Variants in LYZL1 observed in about 807,000 individuals in gnomAD.
LYZL1 encodes the protein lysozyme-like protein 1.
In LYZL1, 16 loss-of-function variants were observed where a neutral mutation model predicts 17.9. The observed-to-expected ratio is 0.90, with a 90% CI of 0.61 to 1.36. The LOEUF (loss-of-function observed/expected upper bound fraction) is 1.36. LYZL1 is among the 40% of genes most tolerant of loss of function. LYZL1 has a pLI of 0.00. For missense variants in LYZL1, 149 were observed against 188.4 expected, an observed-to-expected ratio of 0.79 and a Z score of 1.22; for synonymous variants, 58 against 71.8, an observed-to-expected ratio of 0.81 and a Z score of 0.97.
At chr10:29,309,232 G>C (rs567429067) in intron 3 of LYZL1, among the ~76,000 whole-genome samples, 105 of 151,744 alleles carry the variant, frequency 6.9e-4, no homozygotes, top group Non-Finnish European at 1.1e-3. Context: ...GGGAGGCTGC[G>C]GCAGGAGAAT....
chr10:29,317,106 T>A (rs929719461), intron 3 of LYZL1, among the ~76,000 whole-genome samples: 10 of 152,146 alleles, frequency 6.6e-5, no homozygotes, highest in Non-Finnish European at 1.5e-4. Flanking sequence ...CGACACAAGA[T>A]TTTCCCCACA....
At chr10:29,309,144 C>A (rs1320141937) in intron 3 of LYZL1, among the ~76,000 whole-genome samples, 5 of 152,090 alleles carry the variant, frequency 3.3e-5, no homozygotes, top group Non-Finnish European at 7.4e-5. Flanking sequence ...GCCTGGCCAA[C>A]ATGGTGAAAC....
chr10:29,315,484 C>T (rs780968231), downstream of LYZL1, among the ~76,000 whole-genome samples: 4 of 151,972 alleles, frequency 2.6e-5, no homozygotes, highest in Non-Finnish European at 4.4e-5. Flanking sequence ...GCACTCCAGC[C>T]TGGGCAGCAG....
intron 3 of LYZL1, among the ~76,000 whole-genome samples, chr10:29,303,150 C>T (rs1317067645): frequency 6.6e-6 from 1 of 152,238 alleles, no homozygotes; most frequent in Admixed American, 6.5e-5. Context: ...CCAGTTTAGC[C>T]TTCAGTCAAA....
chr10:29,306,859 A>C (rs1443567287), intron 3 of LYZL1, among the ~76,000 whole-genome samples: 1 of 151,244 alleles, frequency 6.6e-6, no homozygotes, highest in African/African-American at 2.4e-5. Context: ...AGAGAGAGAG[A>C]GAGAGAGAAG....
chr10:29,309,335 A>G (rs1292606255), intron 3 of LYZL1, among the ~76,000 whole-genome samples: 3 of 151,756 alleles, frequency 2.0e-5, no homozygotes, highest in Non-Finnish European at 4.4e-5. Flanking sequence ...TCTCACAAAA[A>G]CAAAAACAAA....
chr10:29,310,700 A>G (rs1314230872), intron 4 of LYZL1, among the ~76,000 whole-genome samples: 3 of 152,194 alleles, frequency 2.0e-5, no homozygotes, highest in South Asian at 2.1e-4. Flanking sequence ...GAACGTTGCC[A>G]GCCGGCCCCA....
At chr10:29,306,638 T>C (rs1835597550) in intron 3 of LYZL1, among the ~76,000 whole-genome samples, 1 of 151,816 alleles carries the variant, frequency 6.6e-6, no homozygotes, top group Non-Finnish European at 1.5e-5. Context: ...TTCATAGTTT[T>C]TTGAATTTTT....
At chr10:29,294,502 T>C (rs10733993) in intron 3 of LYZL1, among the ~76,000 whole-genome samples, 114,489 of 152,122 alleles carry the variant, frequency 0.75, 43,241 homozygotes, top group East Asian at 0.9. Flanking sequence ...TCAAAGGCAT[T>C]TTCTCTGTGC....
At chr10:29,304,674 G>C (rs1835567581) in intron 3 of LYZL1, among the ~76,000 whole-genome samples, 4 of 152,190 alleles carry the variant, frequency 2.6e-5, no homozygotes, top group African/African-American at 4.8e-5. Context: ...ACAATTACTG[G>C]CAAGAGTCCT....
chr10:29,291,201 T>C (rs1835360358), intron 1 of LYZL1, among the ~76,000 whole-genome samples: 1 of 152,236 alleles, frequency 6.6e-6, no homozygotes, highest in Non-Finnish European at 1.5e-5. Flanking sequence ...AACACATATT[T>C]TTTATGTTCT....
downstream of LYZL1, among the ~76,000 whole-genome samples, chr10:29,316,213 C>G (rs1835727894): frequency 6.6e-6 from 1 of 152,210 alleles, no homozygotes; most frequent in Non-Finnish European, 1.5e-5. Context: ...AGCACTCTGC[C>G]TTGAGCAGGT....
downstream of LYZL1, among the ~76,000 whole-genome samples, chr10:29,315,989 G>A (rs543458151): frequency 2.6e-5 from 4 of 152,132 alleles, no homozygotes; most frequent in Non-Finnish European, 5.9e-5. Context: ...TGAAGGGTCC[G>A]ACTGCTTGAG....
At chr10:29,305,346 A>G (rs1835575937) in intron 3 of LYZL1, among the ~76,000 whole-genome samples, 1 of 152,188 alleles carries the variant, frequency 6.6e-6, no homozygotes, top group Admixed American at 6.5e-5. Context: ...GTGTTTTATG[A>G]GCAGGAATCT....
intron 3 of LYZL1, among the ~76,000 whole-genome samples, chr10:29,302,433 T>C (rs1424323544): frequency 1.3e-5 from 2 of 152,204 alleles, no homozygotes; most frequent in Non-Finnish European, 2.9e-5. Flanking sequence ...GATGCTCCCT[T>C]TAATGGAGTC....
intron 3 of LYZL1, among the ~76,000 whole-genome samples, chr10:29,303,734 C>T (rs1835552679): frequency 6.6e-6 from 1 of 152,094 alleles, no homozygotes; most frequent in South Asian, 2.1e-4. Flanking sequence ...TAACTAACCA[C>T]CCTCCATGAA....
chr10:29,289,423 T>TG (rs1835331040), intron 1 of LYZL1, among the ~76,000 whole-genome samples, 193 bp downstream of exon 1: 1 of 148,862 alleles, frequency 6.7e-6, no homozygotes, highest in Non-Finnish European at 1.5e-5. Context: ...TTTTCTTTTT[T>TG]TTTTTTTTTT....
chr10:29,309,697 C>T (rs10763709), intron 3 of LYZL1, among the ~76,000 whole-genome samples: 63,798 of 151,934 alleles, frequency 0.42, 14,404 homozygotes, highest in African/African-American at 0.6. Flanking sequence ...GATCTTGCTA[C>T]GTTGCCCAGG....
chr10:29,289,325 T>C, intron 1 of LYZL1, 95 bp downstream of exon 1: 4 of 991,400 alleles, frequency 4.0e-6, no homozygotes, highest in Non-Finnish European at 5.5e-6. Context: ...GCGGGTTTTC[T>C]TTGGACTTGT....
Sources: gnomAD v4.1 joint callset for allele counts (sites outside exome capture counted in the v4.1 genomes callset) on GRCh38, gnomAD v4.1.1 for gene constraint, MANE v1.5 for transcripts, NCBI Gene and HGNC (gene_info 2026-07-23, HGNC 2026-07-21) for gene names.